Variants in ELAVL2 observed in about 807,000 individuals in gnomAD.
The protein encoded by ELAVL2 is ELAV-like protein 2.
A neutral mutation model predicts 34.6 loss-of-function variants in ELAVL2; 4 were observed. The ratio of observed to expected loss-of-function variants is 0.12; its 90% CI spans 0.06 to 0.26. The LOEUF (loss-of-function observed/expected upper bound fraction) is 0.26, where lower values mean the gene tolerates loss of function less well. Ranked by LOEUF, ELAVL2 falls within the 10% of genes least tolerant of loss-of-function variation. ELAVL2 has a pLI of 1.00. For missense variants in ELAVL2, 432 were observed against 442.8 expected (o/e 0.98, Z 0.22); for synonymous variants, 193 against 154.8 (o/e 1.25, Z -1.83).
intron 1 of ELAVL2, among the ~76,000 whole-genome samples, chr9:23,777,960 A>G (rs1023070094): frequency 5.0e-5 from 4 of 79,750 alleles, no homozygotes; most frequent in Non-Finnish European, 7.2e-5. Flanking sequence ...TGGCCAACAT[A>G]AACAGCAGCA....
chr9:23,784,752 A>G (rs2059481591), intron 1 of ELAVL2, among the ~76,000 whole-genome samples: 1 of 152,234 alleles, frequency 6.6e-6, no homozygotes, highest in Non-Finnish European at 1.5e-5. Flanking sequence ...CACAACCTGT[A>G]ACTCCCATTA....
chr9:23,755,054 G>A (rs775406153), intron 2 of ELAVL2, among the ~76,000 whole-genome samples: 1 of 152,046 alleles, frequency 6.6e-6, no homozygotes, highest in African/African-American at 2.4e-5. Context: ...ATTCCGCAAA[G>A]TCCAAACCTT....
chr9:23,721,598 T>G (rs529353335), intron 3 of ELAVL2, among the ~76,000 whole-genome samples: 1 of 152,270 alleles, frequency 6.6e-6, no homozygotes, highest in East Asian at 1.9e-4. Context: ...GTATCAGATT[T>G]CCTGTACTGT....
chr9:23,795,270 G>A (rs1465476866), intron 1 of ELAVL2, among the ~76,000 whole-genome samples: 3 of 152,176 alleles, frequency 2.0e-5, no homozygotes, highest in East Asian at 3.9e-4. Flanking sequence ...AATGTTGGGC[G>A]TGGTGGCTCA....
Position 23,719,465 on chromosome 9 carries a change from A to C in ELAVL2, c.333+11557T>G, listed in dbSNP as rs2043119190. Reference sequence around the variant, plus strand: ...TACAATTCCCCTCAGACATTGCTTAATGAAGAACATGAAGAAAAATCCTTG... The same window carrying C: ...TACAATTCCCCTCAGACATTGCTTACTGAAGAACATGAAGAAAAATCCTTG... On this transcript the variant is annotated intron_variant, in intron 3 of 6. Transcript: ENST00000397312. Among the ~76,000 whole-genome samples the C allele has an allele frequency of 5.3e-5, 8 of 152,296 alleles. 1 individual carries two copies. In the South Asian group the frequency reaches 1.7e-3, roughly 32 times the overall value.
intron 2 of ELAVL2, among the ~76,000 whole-genome samples, chr9:23,757,907 G>T (rs1246307671): frequency 6.6e-6 from 1 of 151,974 alleles, no homozygotes; most frequent in African/African-American, 2.4e-5. Flanking sequence ...TCTCTTCAAG[G>T]ACTTAAGAAG....
chr9:23,695,333 A>G (rs1317163771), intron 5 of ELAVL2, among the ~76,000 whole-genome samples: 2 of 152,164 alleles, frequency 1.3e-5, no homozygotes, highest in African/African-American at 2.4e-5. Context: ...CACCTTATCA[A>G]TTCACTCAAA....
At position 23,797,933 on chromosome 9, in the gene ELAVL2, GA is replaced by G. The variant is rs201601198; in HGVS notation, c.-16+27872del. On this transcript the variant is annotated intron_variant, in intron 1 of 6. Transcript: ENST00000397312. The stretch of plus-strand genomic sequence containing the variant: ...ACAAGAGTGAAACTCTGTCTCAAAA[GA>G]AAAAAAAAGAAAAGAAAAGAAAAAA... Among the ~76,000 whole-genome samples, 886 of 145,192 alleles carry G rather than the reference GA, an allele frequency of 6.1e-3. 7 individuals carry two copies. Among genetic ancestry groups the G allele is most frequent in the African/African-American group, 0.022 (856 of 38,904 alleles).
intron 1 of ELAVL2, among the ~76,000 whole-genome samples, chr9:23,780,513 G>C (rs1465815753): frequency 6.6e-6 from 1 of 152,046 alleles, no homozygotes; most frequent in East Asian, 1.9e-4. Context: ...AAAATTTGTG[G>C]TCAATTTCCT....
At chr9:23,811,165 A>T (rs1324442162) in intron 1 of ELAVL2, among the ~76,000 whole-genome samples, 1 of 152,156 alleles carries the variant, frequency 6.6e-6, no homozygotes, top group Non-Finnish European at 1.5e-5. Flanking sequence ...TCCACAAAAC[A>T]ATGTTTATAA....
intron 1 of ELAVL2, among the ~76,000 whole-genome samples, chr9:23,779,791 T>C (rs973571579): frequency 6.6e-6 from 1 of 151,626 alleles, no homozygotes; most frequent in Non-Finnish European, 1.5e-5. Flanking sequence ...GAAACTATAC[T>C]TTTCACCTCT....
chr9:23,777,100 T>G (rs1321695759), intron 1 of ELAVL2, among the ~76,000 whole-genome samples: 1 of 152,198 alleles, frequency 6.6e-6, no homozygotes, highest in East Asian at 1.9e-4. Flanking sequence ...GTAAATTGCT[T>G]AGCAGTAAAT....
At chr9:23,733,278 A>G (rs1203649388) in intron 2 of ELAVL2, among the ~76,000 whole-genome samples, 2 of 152,036 alleles carry the variant, frequency 1.3e-5, no homozygotes, top group African/African-American at 4.8e-5. Context: ...GTCTGTATAT[A>G]TATGTGTATA....
chr9:23,848,270 G>A, the ELAVL2 span, among the ~76,000 whole-genome samples: 7 of 152,196 alleles, frequency 4.6e-5, no homozygotes, highest in Admixed American at 4.6e-4. Context: ...GTGGTCTATG[G>A]ATATTAGTGG....
chr9:23,786,060 A>T (rs538741160), intron 1 of ELAVL2, among the ~76,000 whole-genome samples: 1 of 152,318 alleles, frequency 6.6e-6, no homozygotes, highest in African/African-American at 2.4e-5. Flanking sequence ...AACTTGAGAG[A>T]CTTCTAAGTC....
chr9:23,749,789 A>G (rs774709918), intron 2 of ELAVL2, among the ~76,000 whole-genome samples: 3 of 152,090 alleles, frequency 2.0e-5, no homozygotes, highest in South Asian at 2.1e-4. Context: ...TTCTCCATCA[A>G]TTTGGTCCTG....
At chr9:23,772,453 A>G (rs897610569) in intron 1 of ELAVL2, among the ~76,000 whole-genome samples, 2 of 146,920 alleles carry the variant, frequency 1.4e-5, no homozygotes, top group African/African-American at 2.5e-5. Flanking sequence ...TGAGGTTAAC[A>G]TTTTATTTTT....
rs559253181 is a variant in ELAVL2, at chr9:23,709,184, T to A, written c.334-4113A>T. On this transcript the variant is annotated intron_variant, in intron 3 of 6. Coordinates refer to ENST00000397312, the MANE Select transcript of ELAVL2 (RefSeq NM_004432.5). Reference sequence around the variant, plus strand: ...CTACCCCTATCCCTTTATTTACTGTTCTTGGAATTAAAACAGCTTCCTTTC... The same window carrying A: ...CTACCCCTATCCCTTTATTTACTGTACTTGGAATTAAAACAGCTTCCTTTC... Among the ~76,000 whole-genome samples the A allele has an allele frequency of 2.6e-5, 4 of 152,326 alleles. No homozygotes were observed. In the East Asian group the frequency reaches 7.7e-4, roughly 29 times the overall value.
rs533727436 is a variant in ELAVL2, at chr9:23,706,062, C to T, written c.334-991G>A. Reference sequence around the variant, plus strand: ...ATTCCCAGAAATTTGAATGTGTGAACAAGCCCTCATTATCCTTTGTCTGTT... The same window carrying T: ...ATTCCCAGAAATTTGAATGTGTGAATAAGCCCTCATTATCCTTTGTCTGTT... On this transcript the variant is annotated intron_variant, in intron 3 of 6. Transcript: ENST00000397312. Among the ~76,000 whole-genome samples the T allele has an allele frequency of 2.0e-5, 3 of 152,152 alleles. No homozygotes were observed. The South Asian group carries it at 6.2e-4, about 32-fold the overall frequency.
Sources: gnomAD v4.1 joint callset for allele counts (sites outside exome capture counted in the v4.1 genomes callset) on GRCh38, gnomAD v4.1.1 for gene constraint, MANE v1.5 for transcripts, NCBI Gene and HGNC (gene_info 2026-07-23, HGNC 2026-07-21) for gene names.